ADGRL3: variants seen among roughly 807,000 people sequenced by gnomAD.
ADGRL3 encodes calcium-independent alpha-latrotoxin receptor 3.
In ADGRL3, 62 loss-of-function variants were observed where a neutral mutation model predicts 153.5. The ratio of observed to expected loss-of-function variants is 0.40; its 90% CI spans 0.33 to 0.50. The LOEUF (loss-of-function observed/expected upper bound fraction) is 0.50. Among genes scored for constraint, ADGRL3 ranks in the 20% least tolerant of loss-of-function variants. The pLI, the probability that ADGRL3 is intolerant of heterozygous loss-of-function variation, is 0.47. For missense variants in ADGRL3, 1,641 were observed against 1,859.4 expected (o/e 0.88, Z 2.16); for synonymous variants, 710 against 672.5 (o/e 1.06, Z -0.86).
At chr4:61,383,518 C>T (rs1401595097) in intron 2 of ADGRL3, among the ~76,000 whole-genome samples, 1 of 151,540 alleles carries the variant, frequency 6.6e-6, no homozygotes, top group Non-Finnish European at 1.5e-5. Context: ...CAGAAAGGCA[C>T]GTATGTTTTA....
intron 2 of ADGRL3, among the ~76,000 whole-genome samples, chr4:61,434,183 G>A (rs191757067): frequency 6.6e-6 from 1 of 152,178 alleles, no homozygotes; most frequent in Non-Finnish European, 1.5e-5. Flanking sequence ...ATTATTTGTG[G>A]AGTGATGGAT....
chr4:61,737,631 G>A (rs1482460793), intron 8 of ADGRL3, among the ~76,000 whole-genome samples: 2 of 152,080 alleles, frequency 1.3e-5, no homozygotes, highest in African/African-American at 4.8e-5. Flanking sequence ...TATGTAATAG[G>A]CACAATACAG....
chr4:61,606,842 A>G (rs150430240), intron 5 of ADGRL3, among the ~76,000 whole-genome samples: 1 of 152,140 alleles, frequency 6.6e-6, no homozygotes. Context: ...ATGAGGACCA[A>G]TTGGAAACAT....
intron 4 of ADGRL3, among the ~76,000 whole-genome samples, chr4:61,528,370 C>T (rs2098587708): frequency 6.6e-6 from 1 of 151,996 alleles, no homozygotes; most frequent in South Asian, 2.1e-4. Context: ...ACTATCATAC[C>T]TAGTATGTTT....
At chr4:61,314,209 T>G (rs2095120142) in intron 1 of ADGRL3, among the ~76,000 whole-genome samples, 2 of 130,032 alleles carry the variant, frequency 1.5e-5, no homozygotes, top group South Asian at 5.1e-4. Flanking sequence ...TACTTTGAAG[T>G]TTTTTTTTTT....
At chr4:61,518,539 T>A (rs1268939782) in intron 4 of ADGRL3, among the ~76,000 whole-genome samples, 1 of 152,220 alleles carries the variant, frequency 6.6e-6, no homozygotes, top group African/African-American at 2.4e-5. Context: ...GCATCATTAA[T>A]CCATTTGAGA....
intron 17 of ADGRL3, among the ~76,000 whole-genome samples, chr4:61,952,149 A>G (rs1224258578): frequency 6.6e-6 from 1 of 152,140 alleles, no homozygotes; most frequent in Non-Finnish European, 1.5e-5. Context: ...AATGATGGCA[A>G]AATTTTTAGC....
At chr4:61,355,888 T>G (rs1267188683) in intron 1 of ADGRL3, among the ~76,000 whole-genome samples, 1 of 152,132 alleles carries the variant, frequency 6.6e-6, no homozygotes, top group Non-Finnish European at 1.5e-5. Flanking sequence ...CATAGCAGTA[T>G]TCAAGTTTTG....
chr4:61,481,362 C>T (rs1426258477), intron 2 of ADGRL3, among the ~76,000 whole-genome samples: 4 of 152,104 alleles, frequency 2.6e-5, no homozygotes, highest in Non-Finnish European at 5.9e-5. Flanking sequence ...TTGGCTTTCT[C>T]AGCCTCTTTA....
In ADGRL3 at chr4:61,885,726, A is replaced by G. The variant is rs146828995; in HGVS notation, c.1481-6930A>G. Among the ~76,000 whole-genome samples, 779 of 152,316 alleles carry G rather than the reference A, an allele frequency of 5.1e-3. 8 individuals carry two copies. Among genetic ancestry groups the G allele is most frequent in the African/African-American group, 0.018 (751 of 41,574 alleles). On this transcript the variant is annotated intron_variant, in intron 9 of 26. Coordinates refer to ENST00000683033, the MANE Select transcript of ADGRL3 (RefSeq NM_001387552.1). ...GCATTGTCCTAGTGGAAAGGGATAG[A>G]TTTTAATAGACCTGGATTAGAATCA...
At chr4:61,531,745 A>T (rs527828662) in intron 4 of ADGRL3, among the ~76,000 whole-genome samples, 347 of 146,944 alleles carry the variant, frequency 2.4e-3, no homozygotes, top group Non-Finnish European at 3.8e-3. Flanking sequence ...TAGAATTTCC[A>T]TGTATGATGT....
chr4:61,605,296 A>G (rs1327173216), intron 5 of ADGRL3, among the ~76,000 whole-genome samples: 3 of 152,062 alleles, frequency 2.0e-5, no homozygotes, highest in African/African-American at 7.2e-5. Flanking sequence ...GAAAATAAGG[A>G]AGTAATTTTC....
intron 4 of ADGRL3, among the ~76,000 whole-genome samples, chr4:61,536,444 C>T (rs771021974): frequency 5.3e-5 from 8 of 151,956 alleles, no homozygotes; most frequent in Non-Finnish European, 1.0e-4. Flanking sequence ...TTGTTTTCTG[C>T]GTTGATAATC....
chr4:61,869,960 A>AAAAAAAAAAAAAAGAG (rs1554051477), intron 9 of ADGRL3, among the ~76,000 whole-genome samples: 5 of 101,886 alleles, frequency 4.9e-5, no homozygotes, highest in East Asian at 2.6e-4. Flanking sequence ...AAAAAAAAAA[A>AAAAAAAAAAAAAAGAG]AGAGAGAGAG....
intron 1 of ADGRL3, among the ~76,000 whole-genome samples, chr4:61,350,793 T>A (rs901599079): frequency 6.6e-6 from 1 of 152,186 alleles, no homozygotes; most frequent in Non-Finnish European, 1.5e-5. Context: ...ATGCATGTCC[T>A]GGCTGCTCCT....
At chr4:62,042,085 AT>A (rs1236076356) in intron 24 of ADGRL3, among the ~76,000 whole-genome samples, 1 of 152,056 alleles carries the variant, frequency 6.6e-6, no homozygotes, top group Non-Finnish European at 1.5e-5. Context: ...GAAAAAATTA[AT>A]TTATATAGAT....
At chr4:61,747,515 A>G (rs2096682914) in intron 8 of ADGRL3, among the ~76,000 whole-genome samples, 2 of 147,014 alleles carry the variant, frequency 1.4e-5, no homozygotes, top group South Asian at 2.2e-4. Context: ...CACCATGATC[A>G]AGTGGGCTTC....
intron 19 of ADGRL3, among the ~76,000 whole-genome samples, chr4:61,984,648 C>A (rs1286140204): frequency 2.6e-5 from 4 of 151,912 alleles, no homozygotes; most frequent in Non-Finnish European, 5.9e-5. Context: ...AAAACAAAAA[C>A]AAACAAAAGA....
intron 1 of ADGRL3, among the ~76,000 whole-genome samples, chr4:61,221,253 C>T (rs932538018): frequency 6.6e-6 from 1 of 152,100 alleles, no homozygotes; most frequent in Non-Finnish European, 1.5e-5. Flanking sequence ...ATACAATTGA[C>T]ATGCATAATA....
Sources: allele counts gnomAD v4.1 joint callset (sites outside exome capture counted in the v4.1 genomes callset), GRCh38; gene constraint gnomAD v4.1.1; transcripts MANE v1.5; gene names NCBI Gene and HGNC (gene_info 2026-07-23, HGNC 2026-07-21).